Variants in COX10 observed in about 807,000 individuals in gnomAD.
COX10 encodes cytochrome c oxidase assembly factor heme A:farnesyltransferase COX10, also known as protoheme IX farnesyltransferase, mitochondrial.
In COX10, 27 loss-of-function variants were observed where a neutral mutation model predicts 37.3. The observed-to-expected ratio is 0.72, with a 90% CI of 0.53 to 1.00. The LOEUF (loss-of-function observed/expected upper bound fraction) is 1.00, where lower values mean the gene tolerates loss of function less well. Among genes scored for constraint, COX10 ranks in the 50% least tolerant of loss-of-function variants. The probability of loss-of-function intolerance (pLI) is 0.00; values close to 1 mark genes in which losing one functional copy is unlikely to be tolerated. For synonymous variants in COX10, 222 were observed against 229.1 expected (o/e 0.97, Z 0.28); for missense variants, 475 against 563.2 (o/e 0.84, Z 1.59).
At chr17:14,147,429 G>A (rs145059573) in intron 4 of COX10, among the ~76,000 whole-genome samples, 1,838 of 152,160 alleles carry the variant, frequency 0.012, 13 homozygotes, top group Middle Eastern at 0.044. Context: ...TCTCACTTAT[G>A]TATAGGATCT....
At chr17:14,091,403 CTT>C (rs933772303) in intron 3 of COX10, among the ~76,000 whole-genome samples, 8 of 152,154 alleles carry the variant, frequency 5.3e-5, no homozygotes, top group African/African-American at 1.9e-4. Flanking sequence ...TAAGGGAAGT[CTT>C]TTAGTTGTTG....
At chr17:14,192,714 G>A (rs1374290380) in intron 6 of COX10, among the ~76,000 whole-genome samples, 1 of 151,962 alleles carries the variant, frequency 6.6e-6, no homozygotes, top group Non-Finnish European at 1.5e-5. Context: ...CGTTCATACT[G>A]TCTATAGTAA....
At chr17:14,109,128 C>G (rs1445704120) in intron 4 of COX10, among the ~76,000 whole-genome samples, 1 of 152,142 alleles carries the variant, frequency 6.6e-6, no homozygotes, top group East Asian at 1.9e-4. Flanking sequence ...GTTGATAACT[C>G]ATGGCTTATT....
chr17:14,193,040 A>C (rs564696797), intron 6 of COX10, among the ~76,000 whole-genome samples: 79 of 152,298 alleles, frequency 5.2e-4, no homozygotes, highest in African/African-American at 1.8e-3. Context: ...CTTTACCATG[A>C]TTGTCTCTTA....
intron 6 of COX10, 67 bp from the exon 7 acceptor site, chr17:14,206,743 A>G: frequency 6.2e-6 from 10 of 1,600,314 alleles, no homozygotes; most frequent in Non-Finnish European, 8.6e-6. Context: ...AGGAGAGGAA[A>G]CCATTCTTTG....
At chr17:14,197,716 CA>C (rs1189371410) in intron 6 of COX10, among the ~76,000 whole-genome samples, 2 of 148,100 alleles carry the variant, frequency 1.4e-5, no homozygotes, top group Non-Finnish European at 2.9e-5. Flanking sequence ...CTCCCCGTCA[CA>C]GTGCCAACGG....
intron 4 of COX10, among the ~76,000 whole-genome samples, chr17:14,157,501 G>T (rs551680641): frequency 6.6e-6 from 1 of 152,322 alleles, no homozygotes; most frequent in South Asian, 2.1e-4. Context: ...AGGGATGTTT[G>T]TCGTATAGAA....
intron 3 of COX10, among the ~76,000 whole-genome samples, chr17:14,096,789 A>C (rs1334885652): frequency 1.3e-5 from 2 of 152,166 alleles, no homozygotes; most frequent in Non-Finnish European, 2.9e-5. Context: ...AATCCTGGAC[A>C]ACAGATTGGA....
chr17:14,076,431 A>G (rs760846866), intron 2 of COX10, among the ~76,000 whole-genome samples: 1 of 140,116 alleles, frequency 7.1e-6, no homozygotes, highest in South Asian at 2.4e-4. Flanking sequence ...GCCTCCAGGG[A>G]AAATTCTGGA....
rs2230351 is a variant in COX10, at chr17:14,076,741, A to T, written c.184A>T (p.Thr62Ser). ...TGTGTGCTTTTTTGTTTAGTATGTC[A>T]CACAGCTGAACAGAAGCCACAACCA... is the stretch of plus-strand genomic sequence containing the variant. Reference protein sequence around the residue: ...HFSFLKRMYVTQLNRSHNQQV... With the variant: ...HFSFLKRMYVSQLNRSHNQQV... Residue 62 changes from threonine to serine, a missense_variant, in exon 3 of 7, where the codon ACA becomes TCA. Coordinates refer to ENST00000261643, the MANE Select transcript of COX10 (RefSeq NM_001303.4). 118,150 of 1,614,014 alleles carry T rather than the reference A, an allele frequency of 0.073. 4,910 individuals carry two copies. Among genetic ancestry groups the T allele is most frequent in the East Asian group, 0.12 (5,596 of 44,876 alleles).
At chr17:14,194,343 A>C (rs146038569) in intron 6 of COX10, among the ~76,000 whole-genome samples, 2,482 of 152,324 alleles carry the variant, frequency 0.016, 31 homozygotes, top group African/African-American at 0.034. Context: ...AAAAGTCCTC[A>C]CTTAAGAGTG....
intron 6 of COX10, among the ~76,000 whole-genome samples, chr17:14,196,919 A>C (rs1425194619): frequency 6.6e-6 from 1 of 152,178 alleles, no homozygotes; most frequent in Non-Finnish European, 1.5e-5. Flanking sequence ...AAATGGATGA[A>C]GGATACATGT....
intron 4 of COX10, among the ~76,000 whole-genome samples, chr17:14,140,196 ATTAT>A (rs1260309278): frequency 6.6e-6 from 1 of 152,160 alleles, no homozygotes; most frequent in African/African-American, 2.4e-5. Flanking sequence ...ATCTATACTT[ATTAT>A]TTGTTTATGA....
In COX10 at chr17:14,177,128, C is replaced by G. The variant is rs559580680; in HGVS notation, c.696-14861C>G. ...TGATTGCTTGTGTGAAATGCTGATT[C>G]CTGCCAGCAGTCGCCAGGTGTCTCT... On this transcript the variant is annotated intron_variant, in intron 5 of 6. Coordinates refer to ENST00000261643, the MANE Select transcript of COX10 (RefSeq NM_001303.4). 5.1e-3 allele frequency: 2,962 copies of G among 585,698 alleles called. 69 individuals carry two copies. Among genetic ancestry groups the G allele is most frequent in the African/African-American group, 0.048 (2,580 of 53,536 alleles). 36.3% of individuals were successfully genotyped at this position (585,698 alleles called of 1,614,324 possible).
At chr17:14,076,653 G>A (rs1915158106) in intron 2 of COX10, 82 bp from the exon 3 acceptor site, 4 of 1,282,988 alleles carry the variant, frequency 3.1e-6, no homozygotes, top group Non-Finnish European at 4.5e-6. Flanking sequence ...GTAAAAGCTG[G>A]TCTGATTGAA....
rs1364374117 is a variant in COX10 at position 14,132,790 on chromosome 17, G to T, written c.625-27087G>T. Among the ~76,000 whole-genome samples, 7 of 151,470 alleles carry T rather than the reference G, an allele frequency of 4.6e-5. No homozygotes were observed. The South Asian group carries it at 1.5e-3, about 31-fold the overall frequency. On this transcript the variant is annotated intron_variant, in intron 4 of 6. Coordinates refer to ENST00000261643, the MANE Select transcript of COX10 (RefSeq NM_001303.4). ...TTACTTTTCCTATGTTTATTCTGAT[G>T]CAAAATTATAGCTTCAAATACTTAT...
intron 5 of COX10, among the ~76,000 whole-genome samples, chr17:14,188,515 G>T (rs1027198750): frequency 1.1e-4 from 17 of 151,250 alleles, no homozygotes; most frequent in Non-Finnish European, 2.5e-4. Flanking sequence ...TCTCCATCAA[G>T]GTCAAGACAC....
intron 2 of COX10, among the ~76,000 whole-genome samples, chr17:14,075,047 G>A (rs1038221323): frequency 3.3e-5 from 5 of 152,154 alleles, no homozygotes; most frequent in African/African-American, 9.7e-5. Flanking sequence ...AGATGGAAAA[G>A]GGTCATAGAA....
chr17:14,143,671 C>T (rs138204186), intron 4 of COX10, among the ~76,000 whole-genome samples: 69 of 152,202 alleles, frequency 4.5e-4, no homozygotes, highest in East Asian at 1.7e-3. Flanking sequence ...TTAGAGGAAA[C>T]GTGTAAATCT....
Sources: allele counts gnomAD v4.1 joint callset (sites outside exome capture counted in the v4.1 genomes callset), GRCh38; gene constraint gnomAD v4.1.1; transcripts MANE v1.5; gene names NCBI Gene and HGNC (gene_info 2026-07-23, HGNC 2026-07-21).